Variants in ST7 observed in about 807,000 individuals in gnomAD.
The protein encoded by ST7 is suppression of tumorigenicity 7, also known as suppressor of tumorigenicity 7 protein.
ST7 carries 28 observed loss-of-function variants against 78.7 expected under a neutral mutation model. The observed-to-expected ratio is 0.36, with a 90% CI of 0.26 to 0.49. ST7 has a LOEUF of 0.49. Among genes scored for constraint, ST7 ranks in the 20% least tolerant of loss-of-function variants. The pLI, the probability that ST7 is intolerant of heterozygous loss-of-function variation, is 0.99. For missense variants in ST7, 418 were observed against 696.0 expected (o/e 0.60, Z 4.49); for synonymous variants, 247 against 249.6 (o/e 0.99, Z 0.10).
chr7:117,179,457 G>T (rs1474505894), intron 10 of ST7, among the ~76,000 whole-genome samples: 2 of 152,208 alleles, frequency 1.3e-5, no homozygotes, highest in Non-Finnish European at 2.9e-5. Context: ...TAAAGATTGT[G>T]ATACACTTTA....
chr7:116,973,290 T>C (rs1793528263), intron 1 of ST7, among the ~76,000 whole-genome samples: 1 of 152,154 alleles, frequency 6.6e-6, no homozygotes, highest in South Asian at 2.1e-4. Flanking sequence ...CAAGCTCTTG[T>C]GCTATCACCC....
At chr7:117,111,530 A>G (rs1333624276) in intron 2 of ST7, among the ~76,000 whole-genome samples, 2 of 152,258 alleles carry the variant, frequency 1.3e-5, no homozygotes, top group East Asian at 1.9e-4. Context: ...AAACAGGTGT[A>G]TATTTTATTA....
intron 13 of ST7, among the ~76,000 whole-genome samples, chr7:117,216,990 G>A (rs886508752): frequency 5.9e-5 from 9 of 152,022 alleles, no homozygotes; most frequent in East Asian, 1.9e-4. Flanking sequence ...CCAACTTGAC[G>A]CACAAAATTC....
intron 1 of ST7, among the ~76,000 whole-genome samples, chr7:117,068,221 A>G (rs930166907): frequency 3.3e-5 from 5 of 152,058 alleles, no homozygotes; most frequent in African/African-American, 4.8e-5. Context: ...AATGAATCAT[A>G]TATTTTTCTT....
rs75025159 is a variant in ST7 at position 117,051,528 on chromosome 7, G to T, written c.152-48234G>T. 6.3e-3 allele frequency among the ~76,000 whole-genome samples: 952 copies of T among 152,240 alleles called. 5 individuals carry two copies. Among genetic ancestry groups the T allele is most frequent in the African/African-American group, 0.018 (735 of 41,540 alleles). Reference sequence around the variant, plus strand: ...CTCATATCCATGGTGTGGAATCTGGGGTTTATTCTGAATGCATGGGAAGAC... The same window carrying T: ...CTCATATCCATGGTGTGGAATCTGGTGTTTATTCTGAATGCATGGGAAGAC... On this transcript the variant is annotated intron_variant, in intron 1 of 15. Transcript: ENST00000323984.
In ST7 at chr7:117,229,983, A is replaced by G. The variant is rs768051419; in HGVS notation, c.*126A>G. The G allele has an allele frequency of 9.2e-6, 8 of 873,294 alleles. No homozygotes were observed. In the Admixed American group the frequency reaches 1.1e-4, roughly 12 times the overall value. 54.1% of individuals were successfully genotyped at this position (873,294 alleles called of 1,614,324 possible). ...GCCATTCCGAGATTTTAAAATGTTC[A>G]TGGACTATTCCATATTAAAAGCTGT... On this transcript the variant is annotated 3_prime_UTR_variant, in exon 16 of 16. Transcript: ENST00000323984.
intron 9 of ST7, among the ~76,000 whole-genome samples, chr7:117,143,675 T>A (rs1462782609): frequency 6.6e-6 from 1 of 152,214 alleles, no homozygotes; most frequent in Non-Finnish European, 1.5e-5. Context: ...GAGTGTGGTC[T>A]ACAACCACCT....
chr7:117,176,968 G>A (rs1032369114), intron 10 of ST7, among the ~76,000 whole-genome samples: 1 of 152,172 alleles, frequency 6.6e-6, no homozygotes, highest in African/African-American at 2.4e-5. Context: ...AAAGATCATG[G>A]TTACCAGGCA....
chr7:117,075,026 C>T (rs1225421606), intron 1 of ST7, among the ~76,000 whole-genome samples: 1 of 152,086 alleles, frequency 6.6e-6, no homozygotes, highest in Non-Finnish European at 1.5e-5. Flanking sequence ...TAGCTTAAAT[C>T]CAAGTAACTG....
At chr7:117,192,584 T>G (rs1157690761) in intron 12 of ST7, among the ~76,000 whole-genome samples, 1 of 152,210 alleles carries the variant, frequency 6.6e-6, no homozygotes, top group East Asian at 1.9e-4. Flanking sequence ...CATTTTTTGA[T>G]AATTATTAAG....
chr7:117,195,208 G>A (rs1199424099), intron 12 of ST7, among the ~76,000 whole-genome samples: 1 of 150,608 alleles, frequency 6.6e-6, no homozygotes, highest in African/African-American at 2.4e-5. Context: ...GGGTATTGGG[G>A]GTATATTTGT....
intron 12 of ST7, among the ~76,000 whole-genome samples, chr7:117,202,424 C>T (rs978646596): frequency 1.8e-4 from 28 of 152,198 alleles, no homozygotes; most frequent in Non-Finnish European, 3.1e-4. Context: ...GTTCTTTAAG[C>T]TGTTTTTGTT....
intron 9 of ST7, among the ~76,000 whole-genome samples, chr7:117,169,504 TC>T (rs778708678): frequency 7.2e-5 from 11 of 152,160 alleles, no homozygotes; most frequent in Non-Finnish European, 1.2e-4. Flanking sequence ...TCTCTTTGCT[TC>T]CCAGTGAAGT....
chr7:117,049,887 G>C (rs1029015927), intron 1 of ST7, among the ~76,000 whole-genome samples: 1 of 152,004 alleles, frequency 6.6e-6, no homozygotes, highest in East Asian at 1.9e-4. Flanking sequence ...AAGATTTACA[G>C]TATTGTACTA....
Position 117,219,925 on chromosome 7 carries a change from T to C in ST7, c.1498+749T>C, listed in dbSNP as rs1792961610. On this transcript the variant is annotated intron_variant, in intron 14 of 15. Coordinates refer to ENST00000323984, the MANE Select transcript of ST7 (RefSeq NM_001369598.1). This position sits in a 1 kb window ranked among gnomAD's most constrained non-coding sequence, Gnocchi z 5.1. Reference sequence around the variant, plus strand: ...AAATGGTTATTATCAAATCATACTATGTACAAGGATCATGTCAGGCTCTTC... The same window carrying C: ...AAATGGTTATTATCAAATCATACTACGTACAAGGATCATGTCAGGCTCTTC... Among the ~76,000 whole-genome samples the C allele has an allele frequency of 1.3e-5, 2 of 152,232 alleles. No homozygotes were observed. The highest frequency in any genetic ancestry group is 1.3e-4 in the Admixed American group (2 of 15,284).
At chr7:117,004,999 T>C (rs1260516039) in intron 1 of ST7, among the ~76,000 whole-genome samples, 1 of 152,232 alleles carries the variant, frequency 6.6e-6, no homozygotes, top group Non-Finnish European at 1.5e-5. Context: ...TTTTAAAATA[T>C]GGCTGTGTTT....
At chr7:116,958,308 CT>C (rs894441475) in intron 1 of ST7, among the ~76,000 whole-genome samples, 2 of 150,712 alleles carry the variant, frequency 1.3e-5, no homozygotes, top group South Asian at 2.1e-4. Context: ...ATTTAGAAGA[CT>C]TTTTTTTGTG....
chr7:116,984,100 G>A (rs1258606265), intron 1 of ST7, among the ~76,000 whole-genome samples: 7 of 143,118 alleles, frequency 4.9e-5, no homozygotes, highest in South Asian at 2.4e-4. Context: ...CAGTTTGCAC[G>A]TATTTATGTC....
Position 117,219,240 on chromosome 7 carries a change from G to T in ST7, c.1498+64G>T. On this transcript the variant is annotated intron_variant, in intron 14 of 15. Coordinates refer to ENST00000323984, the MANE Select transcript of ST7 (RefSeq NM_001369598.1). This position sits in a 1 kb window ranked among gnomAD's most constrained non-coding sequence, Gnocchi z 5.1. ...TGAAAGGTGGGGATTGGAAGAGGTG[G>T]GAATATCAAAGTTTAGAATGCTCCT... 1 of 1,348,632 alleles carries T rather than the reference G, an allele frequency of 7.4e-7. No individual in the cohort carries two copies. Among genetic ancestry groups the T allele is most frequent in the South Asian group, 1.3e-5 (1 of 77,516 alleles). The allele number at this position is 1,348,632 out of a possible 1,614,324, so 83.5% of individuals were successfully genotyped here. A position where few individuals can be genotyped will look rare whatever the true frequency, so the allele number is the denominator to read the frequency against.
Sources: allele counts gnomAD v4.1 joint callset (sites outside exome capture counted in the v4.1 genomes callset), GRCh38; gene constraint gnomAD v4.1.1; non-coding constraint Gnocchi (gnomAD v3.1); transcripts MANE v1.5; gene names NCBI Gene and HGNC (gene_info 2026-07-23, HGNC 2026-07-21).